CTNND2: variants seen among roughly 807,000 people sequenced by gnomAD.
The protein encoded by CTNND2 is catenin delta 2.
A neutral mutation model predicts 144.4 loss-of-function variants in CTNND2; 22 were observed. That is an observed-to-expected ratio of 0.15 (90% confidence interval 0.11 to 0.22). The LOEUF is 0.22. Ranked by LOEUF, CTNND2 falls within the 10% of genes least tolerant of loss-of-function variation. CTNND2 has a pLI of 1.00. For missense variants in CTNND2, 1,353 were observed against 1,618.8 expected (o/e 0.84, Z 2.82); for synonymous variants, 751 against 695.6 (o/e 1.08, Z -1.25).
intron 16 of CTNND2, among the ~76,000 whole-genome samples, chr5:11,076,039 G>A (rs527673923): frequency 6.6e-6 from 1 of 152,242 alleles, no homozygotes; most frequent in Non-Finnish European, 1.5e-5. Context: ...CAAAGTGCTA[G>A]ACACTGTCAG....
At chr5:10,994,449 C>A (rs1273160889) in intron 18 of CTNND2, among the ~76,000 whole-genome samples, 1 of 17,976 alleles carries the variant, frequency 5.6e-5, no homozygotes, top group Non-Finnish European at 1.0e-4. Flanking sequence ...GAAAGAGGAG[C>A]GGGGGCCGGG....
intron 10 of CTNND2, among the ~76,000 whole-genome samples, chr5:11,212,968 A>G (rs1404181184): frequency 6.6e-6 from 1 of 152,228 alleles, no homozygotes; most frequent in Non-Finnish European, 1.5e-5. Context: ...TGTGGCCAGG[A>G]AGACATGAGA....
At chr5:11,161,412 T>C (rs1369257365) in intron 11 of CTNND2, among the ~76,000 whole-genome samples, 1 of 152,218 alleles carries the variant, frequency 6.6e-6, no homozygotes, top group Non-Finnish European at 1.5e-5. Flanking sequence ...GTGCTCAGAA[T>C]ATATTCTGAT....
chr5:11,813,075 G>A lies in CTNND2; in HGVS notation c.38-80803C>T, dbSNP rs142910923. Among the ~76,000 whole-genome samples, 64 of 152,242 alleles carry A rather than the reference G, an allele frequency of 4.2e-4. No individual in the cohort carries two copies. In the South Asian group the frequency reaches 6.2e-3, roughly 15 times the overall value. On this transcript the variant is annotated intron_variant, in intron 1 of 21. Coordinates refer to ENST00000304623, the MANE Select transcript of CTNND2 (RefSeq NM_001332.4). ...AGGACATTTCAGTCAATGATGGACC[G>A]CATATATCAAAGTAGTCCCGTAAGA...
chr5:11,661,876 G>A (rs1783225368), intron 2 of CTNND2, among the ~76,000 whole-genome samples: 1 of 151,836 alleles, frequency 6.6e-6, no homozygotes, highest in Non-Finnish European at 1.5e-5. Context: ...GTGAGCGGCA[G>A]GCAAATGAGC....
intron 1 of CTNND2, among the ~76,000 whole-genome samples, chr5:11,841,668 AG>A (rs1054668133): frequency 1.3e-5 from 2 of 152,122 alleles, no homozygotes; most frequent in African/African-American, 4.8e-5. Flanking sequence ...ACATTTCAGC[AG>A]GGGTGACATT....
intron 3 of CTNND2, among the ~76,000 whole-genome samples, chr5:11,490,024 T>C (rs139062443): frequency 7.2e-5 from 11 of 152,288 alleles, no homozygotes; most frequent in Middle Eastern, 3.4e-3. Flanking sequence ...GTAAAATCCC[T>C]GATGTGAATT....
At chr5:11,590,724 C>T (rs1352667304) in intron 2 of CTNND2, among the ~76,000 whole-genome samples, 1 of 152,132 alleles carries the variant, frequency 6.6e-6, no homozygotes, top group African/African-American at 2.4e-5. Context: ...ATACATCCTC[C>T]CCGCTCTTGA....
intron 2 of CTNND2, among the ~76,000 whole-genome samples, chr5:11,586,904 G>A (rs1252646804): frequency 1.9e-4 from 29 of 151,774 alleles, no homozygotes; most frequent in Admixed American, 1.9e-3. Context: ...TACTTAGTAT[G>A]TTTTCAGATA....
chr5:11,171,081 T>G (rs1759854870), intron 11 of CTNND2, among the ~76,000 whole-genome samples: 1 of 152,138 alleles, frequency 6.6e-6, no homozygotes, highest in Admixed American at 6.5e-5. Context: ...AGAAGAGATT[T>G]GGGTGGGGAC....
intron 1 of CTNND2, among the ~76,000 whole-genome samples, chr5:11,853,160 C>G (rs1430659005): frequency 6.6e-6 from 1 of 152,150 alleles, no homozygotes; most frequent in African/African-American, 2.4e-5. Context: ...TTTCCCTCAT[C>G]ACTCCACCAA....
At chr5:11,223,993 C>A (rs763995363) in intron 10 of CTNND2, among the ~76,000 whole-genome samples, 1 of 152,192 alleles carries the variant, frequency 6.6e-6, no homozygotes, top group Non-Finnish European at 1.5e-5. Context: ...TCTGTCCCAT[C>A]TATTGGTAAG....
intron 11 of CTNND2, among the ~76,000 whole-genome samples, chr5:11,176,971 G>C (rs1230507936): frequency 6.6e-6 from 1 of 152,234 alleles, no homozygotes; most frequent in South Asian, 2.1e-4. Context: ...TGTAGGATTT[G>C]CTGACTTGTT....
intron 12 of CTNND2, among the ~76,000 whole-genome samples, chr5:11,144,050 G>A (rs565281757): frequency 1.2e-4 from 18 of 150,352 alleles, no homozygotes; most frequent in South Asian, 4.2e-4. Context: ...GCACCAGCTA[G>A]GGGTTTCTAC....
chr5:11,047,646 C>T (rs748080819), intron 16 of CTNND2, among the ~76,000 whole-genome samples: 3 of 152,122 alleles, frequency 2.0e-5, no homozygotes, highest in African/African-American at 4.8e-5. Flanking sequence ...ATAGGTCCAG[C>T]GTCACCCTAA....
At chr5:11,188,684 C>A (rs1164680169) in intron 11 of CTNND2, among the ~76,000 whole-genome samples, 1 of 152,130 alleles carries the variant, frequency 6.6e-6, no homozygotes, top group Non-Finnish European at 1.5e-5. Flanking sequence ...ACTGGTGCCA[C>A]CATCCTGGTC....
chr5:11,332,458 C>T (rs1477218085), intron 9 of CTNND2, among the ~76,000 whole-genome samples: 1 of 152,000 alleles, frequency 6.6e-6, no homozygotes, highest in Non-Finnish European at 1.5e-5. Context: ...TAGTTGTCTC[C>T]TTCCTTCTAT....
intron 10 of CTNND2, among the ~76,000 whole-genome samples, chr5:11,213,326 C>A (rs1463422939): frequency 3.3e-5 from 5 of 152,092 alleles, no homozygotes; most frequent in Admixed American, 6.5e-5. Flanking sequence ...CCCCGGAGCT[C>A]CCCGAGGAGT....
intron 21 of CTNND2, among the ~76,000 whole-genome samples, chr5:10,975,350 T>C (rs1237116305): frequency 1.3e-5 from 2 of 152,174 alleles, no homozygotes; most frequent in African/African-American, 4.8e-5. Flanking sequence ...CTATTCAACA[T>C]TTAGCAAATT....
Sources: gnomAD v4.1 joint callset for allele counts (sites outside exome capture counted in the v4.1 genomes callset) on GRCh38, gnomAD v4.1.1 for gene constraint, MANE v1.5 for transcripts, NCBI Gene and HGNC (gene_info 2026-07-23, HGNC 2026-07-21) for gene names.